The following NCAM1 variants were observed in gnomAD, a reference collection of about 807,000 sequenced individuals.
NCAM1 encodes the protein antigen recognized by monoclonal antibody 5.1H11.
In NCAM1, 14 loss-of-function variants were observed where a neutral mutation model predicts 109.8. That is an observed-to-expected ratio of 0.13 (90% CI 0.08 to 0.20). The LOEUF (loss-of-function observed/expected upper bound fraction) is 0.20. Among genes scored for constraint, NCAM1 ranks in the 10% least tolerant of loss-of-function variants. The pLI, the probability that NCAM1 is intolerant of heterozygous loss-of-function variation, is 1.00. For missense variants in NCAM1, 774 were observed against 1,109.9 expected, an observed-to-expected ratio of 0.70 and a Z score of 4.30; for synonymous variants, 418 against 442.9, an observed-to-expected ratio of 0.94 and a Z score of 0.70.
At position 113,233,096 on chromosome 11, in the gene NCAM1, T is replaced by A; in HGVS notation, c.1523-51T>A. 1 of 1,557,172 alleles carries A rather than the reference T, an allele frequency of 6.4e-7. No individual in the cohort carries two copies. Among genetic ancestry groups the A allele is most frequent in the South Asian group, 1.2e-5 (1 of 83,926 alleles). ...GTGCCTTGTGACTGAGAGTTAATGG[T>A]CTTGGGCCAAACTGGGCTCACCTGA... On this transcript the variant is annotated intron_variant, in intron 12 of 19. Transcript: ENST00000316851. This position sits in a 1 kb window ranked among gnomAD's most constrained non-coding sequence, Gnocchi z 4.5.
At chr11:113,270,526 TGGG>T in intron 18 of NCAM1, 131 bp downstream of exon 18, 1 of 828,332 alleles carries the variant, frequency 1.2e-6, no homozygotes, top group Non-Finnish European at 1.9e-6. Flanking sequence ...GGAACCCTGA[TGGG>T]GGAAAAACAT....
intron 1 of NCAM1, among the ~76,000 whole-genome samples, chr11:113,119,207 T>G (rs188315310): frequency 1.8e-4 from 28 of 152,148 alleles, no homozygotes; most frequent in Non-Finnish European, 1.2e-4. Flanking sequence ...GAGTTCTCCC[T>G]GCCCTGTGAA....
chr11:113,236,059 G>C (rs1945158722), intron 14 of NCAM1, among the ~76,000 whole-genome samples: 1 of 152,130 alleles, frequency 6.6e-6, no homozygotes, highest in Non-Finnish European at 1.5e-5. Context: ...CCTTCTTTTT[G>C]AAGCCAGGGG....
At chr11:113,135,512 C>G (rs1941566061) in intron 1 of NCAM1, among the ~76,000 whole-genome samples, 1 of 152,122 alleles carries the variant, frequency 6.6e-6, no homozygotes, top group Non-Finnish European at 1.5e-5. Flanking sequence ...AATACGCCAG[C>G]TGGGTGGTGT....
At chr11:113,102,354 T>C (rs1939912882) in intron 1 of NCAM1, among the ~76,000 whole-genome samples, 1 of 152,238 alleles carries the variant, frequency 6.6e-6, no homozygotes. Context: ...GGTTGAACTA[T>C]TACAGCTACA....
At chr11:113,118,566 A>G (rs1940809390) in intron 1 of NCAM1, among the ~76,000 whole-genome samples, 1 of 151,914 alleles carries the variant, frequency 6.6e-6, no homozygotes, top group East Asian at 1.9e-4. Context: ...TTTATTGTTC[A>G]CTTATTTATT....
intron 1 of NCAM1, among the ~76,000 whole-genome samples, chr11:113,033,154 G>A (rs537009311): frequency 8.5e-5 from 13 of 152,284 alleles, no homozygotes; most frequent in South Asian, 6.2e-4. Context: ...TTAGAATTAG[G>A]ACCAGTAATT....
chr11:113,084,651 C>T (rs1221873351), intron 1 of NCAM1, among the ~76,000 whole-genome samples: 1 of 152,192 alleles, frequency 6.6e-6, no homozygotes, highest in African/African-American at 2.4e-5. Flanking sequence ...TGATTCGGTG[C>T]TCCTCTGCTG....
chr11:113,069,113 CA>C (rs1446549722), intron 1 of NCAM1, among the ~76,000 whole-genome samples: 1 of 152,014 alleles, frequency 6.6e-6, no homozygotes, highest in Non-Finnish European at 1.5e-5. Context: ...GCCCTGTCTC[CA>C]AGGCTGTAGA....
intron 1 of NCAM1, among the ~76,000 whole-genome samples, chr11:113,092,645 G>A (rs1315152675): frequency 6.6e-6 from 1 of 152,144 alleles, no homozygotes; most frequent in African/African-American, 2.4e-5. Context: ...GAACTTGGAA[G>A]GTGAAGGGAA....
At chr11:113,009,318 T>TTGTTG (rs1465915937) in intron 1 of NCAM1, among the ~76,000 whole-genome samples, 40 of 104,324 alleles carry the variant, frequency 3.8e-4, no homozygotes, top group East Asian at 8.0e-4. Flanking sequence ...TCGGGTTTTT[T>TTGTTG]TTTTTTTTTT....
At chr11:113,083,000 A>G (rs937956542) in intron 1 of NCAM1, among the ~76,000 whole-genome samples, 1 of 151,890 alleles carries the variant, frequency 6.6e-6, no homozygotes, top group Non-Finnish European at 1.5e-5. Context: ...AGAGGCAGCC[A>G]TATCTTTGCC....
intron 12 of NCAM1, 127 bp downstream of exon 12, chr11:113,232,941 G>A (rs1490121793): frequency 6.9e-6 from 7 of 1,015,410 alleles, no homozygotes; most frequent in African/African-American, 6.4e-5. Flanking sequence ...AGCAAAGCCA[G>A]AGAGTTGGGA....
intron 1 of NCAM1, among the ~76,000 whole-genome samples, chr11:113,159,951 A>C (rs1173937335): frequency 6.7e-6 from 1 of 148,980 alleles, no homozygotes; most frequent in Non-Finnish European, 1.5e-5. Context: ...GTGATTTGTA[A>C]CATATCATTA....
chr11:113,102,902 C>G (rs1207502487), intron 1 of NCAM1, among the ~76,000 whole-genome samples: 2 of 152,162 alleles, frequency 1.3e-5, no homozygotes, highest in Non-Finnish European at 2.9e-5. Context: ...TTCCTTTGTT[C>G]CCTCATAAGA....
chr11:113,211,769 G>A (rs1323024327), intron 7 of NCAM1, among the ~76,000 whole-genome samples: 1 of 152,220 alleles, frequency 6.6e-6, no homozygotes, highest in Non-Finnish European at 1.5e-5. Context: ...TTTGTTCAGG[G>A]ATGCAGGGGC....
chr11:113,043,946 T>G (rs1353418684), intron 1 of NCAM1, among the ~76,000 whole-genome samples: 2 of 147,102 alleles, frequency 1.4e-5, no homozygotes, highest in African/African-American at 5.1e-5. Context: ...GTAGTTTCCT[T>G]TTTTTTTTTT....
chr11:113,220,598 C>CTTTT (rs1565508438), intron 8 of NCAM1, among the ~76,000 whole-genome samples: 7 of 105,652 alleles, frequency 6.6e-5, no homozygotes, highest in African/African-American at 3.6e-4. Context: ...CTCTCTCTCT[C>CTTTT]TCTCTTTTTT....
rs1234889807 is a variant in NCAM1, at chr11:113,221,876, A to G, written c.1089+551A>G. ...TGCTAAACGTATCTCTGTTACTTTTATAGAGCATTAAATTTATGAGATTAG... is the reference window on the plus strand; with the variant it reads ...TGCTAAACGTATCTCTGTTACTTTTGTAGAGCATTAAATTTATGAGATTAG... On this transcript the variant is annotated intron_variant, in intron 9 of 19. Coordinates refer to ENST00000316851, the MANE Select transcript of NCAM1 (RefSeq NM_181351.5). 5 of 153,584 alleles carry G rather than the reference A, an allele frequency of 3.3e-5. No individual in the cohort carries two copies. In the East Asian group the frequency reaches 7.6e-4, roughly 23 times the overall value. The allele number at this position is 153,584 out of a possible 1,614,324, so 9.5% of individuals were successfully genotyped here.
Sources: gnomAD v4.1 joint callset for allele counts (sites outside exome capture counted in the v4.1 genomes callset) on GRCh38, gnomAD v4.1.1 for gene constraint, Gnocchi (gnomAD v3.1) non-coding constraint, MANE v1.5 for transcripts, NCBI Gene and HGNC (gene_info 2026-07-23, HGNC 2026-07-21) for gene names.